The following PTPRR variants were observed in gnomAD, a reference collection of about 807,000 sequenced individuals.
PTPRR encodes the protein protein tyrosine phosphatase receptor type R.
Under a neutral mutation model 77.2 loss-of-function variants are expected in PTPRR, and 38 were observed. The observed-to-expected ratio is 0.49, with a 90% CI of 0.38 to 0.65. The LOEUF is 0.65. Among genes scored for constraint, PTPRR ranks in the 30% least tolerant of loss-of-function variants. PTPRR has a pLI of 0.00. For missense variants in PTPRR, 744 were observed against 799.2 expected (o/e 0.93, Z 0.83); for synonymous variants, 299 against 283.1 (o/e 1.06, Z -0.57).
chr12:70,795,563 A>G (rs2137014036), intron 2 of PTPRR, among the ~76,000 whole-genome samples: 1 of 152,330 alleles, frequency 6.6e-6, no homozygotes, highest in South Asian at 2.1e-4. Context: ...ATATAGCCAC[A>G]TCATTTATTA....
At chr12:70,918,374 A>G (rs1015135079) in intron 1 of PTPRR, among the ~76,000 whole-genome samples, 1 of 152,234 alleles carries the variant, frequency 6.6e-6, no homozygotes, top group Admixed American at 6.5e-5. Context: ...ATTGAAATAT[A>G]AAAATGTCCT....
At chr12:70,891,070 A>G (rs1035508309) in intron 2 of PTPRR, among the ~76,000 whole-genome samples, 2 of 152,152 alleles carry the variant, frequency 1.3e-5, no homozygotes, top group African/African-American at 2.4e-5. Flanking sequence ...AAGCCACAGC[A>G]TGGTCAGAGG....
At chr12:70,899,926 A>C (rs531242017) in intron 1 of PTPRR, among the ~76,000 whole-genome samples, 9 of 151,548 alleles carry the variant, frequency 5.9e-5, no homozygotes, top group South Asian at 2.1e-4. Flanking sequence ...TAAAAAAAAC[A>C]AACTGACCCA....
At chr12:70,727,856 G>C (rs1889499198) in intron 6 of PTPRR, among the ~76,000 whole-genome samples, 1 of 152,190 alleles carries the variant, frequency 6.6e-6, no homozygotes. Context: ...CGAGCAGACT[G>C]TCTGAGTAAA....
intron 8 of PTPRR, among the ~76,000 whole-genome samples, chr12:70,685,952 G>A (rs1265531661): frequency 6.6e-6 from 1 of 152,154 alleles, no homozygotes; most frequent in Non-Finnish European, 1.5e-5. Flanking sequence ...GAATCCACAC[G>A]AACACTAGGG....
At chr12:70,770,814 C>T (rs1407908028) in intron 2 of PTPRR, among the ~76,000 whole-genome samples, 6 of 152,066 alleles carry the variant, frequency 3.9e-5, no homozygotes, top group Non-Finnish European at 5.9e-5. Context: ...CCACGGAATA[C>T]TATGCAGCCA....
At chr12:70,693,390 G>T (rs558965882) in intron 8 of PTPRR, among the ~76,000 whole-genome samples, 1 of 151,962 alleles carries the variant, frequency 6.6e-6, no homozygotes, top group Admixed American at 6.6e-5. Context: ...TCAACCTCCC[G>T]GGCTCAAGTG....
intron 2 of PTPRR, among the ~76,000 whole-genome samples, chr12:70,880,982 T>A (rs1893140688): frequency 6.6e-6 from 1 of 152,144 alleles, no homozygotes; most frequent in South Asian, 2.1e-4. Context: ...TGAAAAAAAA[T>A]TTTGTAATTC....
At chr12:70,766,738 G>T (rs891642430) in intron 2 of PTPRR, among the ~76,000 whole-genome samples, 2 of 151,838 alleles carry the variant, frequency 1.3e-5, no homozygotes, top group African/African-American at 4.8e-5. Flanking sequence ...TGAAAAGAAG[G>T]AAAAAATGTT....
chr12:70,770,363 A>C, intron 2 of PTPRR, among the ~76,000 whole-genome samples: 1 of 152,186 alleles, frequency 6.6e-6, no homozygotes, highest in Non-Finnish European at 1.5e-5. Flanking sequence ...ATGAACAGAC[A>C]CTTCTCGAAA....
intron 8 of PTPRR, among the ~76,000 whole-genome samples, 194 bp downstream of exon 8, chr12:70,698,071 A>ATTATTATTTATACT (rs1888291524): frequency 1.3e-5 from 2 of 152,146 alleles, no homozygotes; most frequent in Non-Finnish European, 2.9e-5. Context: ...AATGTAAATT[A>ATTATTATTTATACT]TTATTATTAT....
chr12:70,682,270 C>T (rs974224886), intron 10 of PTPRR, among the ~76,000 whole-genome samples: 9 of 151,608 alleles, frequency 5.9e-5, no homozygotes, highest in African/African-American at 1.9e-4. Flanking sequence ...GTCTCGATCT[C>T]CTGACCTCGT....
chr12:70,833,207 C>T (rs1285096490), intron 2 of PTPRR, among the ~76,000 whole-genome samples: 1 of 151,950 alleles, frequency 6.6e-6, no homozygotes, highest in Non-Finnish European at 1.5e-5. Flanking sequence ...AGATAAGTAG[C>T]AGGAAAAGAA....
chr12:70,811,423 C>T (rs951876917), intron 2 of PTPRR, among the ~76,000 whole-genome samples: 1 of 152,250 alleles, frequency 6.6e-6, no homozygotes, highest in South Asian at 2.1e-4. Context: ...TTTAAGAATG[C>T]TTTGGCGGTT....
At chr12:70,727,030 T>C (rs1354181027) in intron 6 of PTPRR, among the ~76,000 whole-genome samples, 1 of 152,234 alleles carries the variant, frequency 6.6e-6, no homozygotes, top group East Asian at 1.9e-4. Flanking sequence ...AACATGTATG[T>C]TAAAATTCCT....
intron 1 of PTPRR, among the ~76,000 whole-genome samples, chr12:70,918,508 A>C (rs977623062): frequency 8.5e-5 from 13 of 152,204 alleles, no homozygotes; most frequent in Admixed American, 5.9e-4. Context: ...CCTTTGGCAG[A>C]ACTCCAGGTA....
Position 70,701,186 on chromosome 12 carries a change from T to C in PTPRR, c.1145A>G (p.Gln382Arg). 1.9e-6 allele frequency: 3 copies of C among 1,613,964 alleles called. No homozygotes were observed. Among genetic ancestry groups the C allele is most frequent in the Non-Finnish European group, 2.5e-6 (3 of 1,179,934 alleles). Residue 382 changes from glutamine (Q) to arginine (R), a missense_variant, in exon 7 of 14, where the codon CAG (glutamine) becomes CGG (arginine). Physicochemically the swap from Gln to Arg is conservative, Grantham distance 43. This residue lies in a region of PTPRR where 570 missense variants were observed against 573.2 expected (regional missense o/e 0.99). Transcript: ENST00000283228. ...TGAACTTGCCACGACGTCCCTCAGC[T>C]GAGACCTTGTGAGAATTCGGCTGGC... is the stretch of plus-strand genomic sequence containing the variant. ...QSASRILTRSQLRDVVASSHL... is the reference protein window; with the variant it reads ...QSASRILTRSRLRDVVASSHL...
At chr12:70,878,754 T>C (rs2137101128) in intron 2 of PTPRR, among the ~76,000 whole-genome samples, 1 of 152,344 alleles carries the variant, frequency 6.6e-6, no homozygotes, top group South Asian at 2.1e-4. Flanking sequence ...TTACTGGGTA[T>C]ATACCCAAAG....
In PTPRR at chr12:70,858,532, G is replaced by A. The variant is rs138871847; in HGVS notation, c.357+34147C>T. 2.8e-3 allele frequency among the ~76,000 whole-genome samples: 422 copies of A among 151,972 alleles called. 3 individuals carry two copies. The highest frequency in any genetic ancestry group is 9.5e-3 in the African/African-American group (393 of 41,352). On this transcript the variant is annotated intron_variant, in intron 2 of 13. Transcript: ENST00000283228. ...CACCCAAGATCATGCCTTTTGTGGAGAGAAAACTATCAGGTTTCCTATTAG... is the reference window on the plus strand; with the variant it reads ...CACCCAAGATCATGCCTTTTGTGGAAAGAAAACTATCAGGTTTCCTATTAG...
Sources: allele counts gnomAD v4.1 joint callset (sites outside exome capture counted in the v4.1 genomes callset), GRCh38; gene constraint gnomAD v4.1.1; regional missense constraint gnomAD v4.1.1; transcripts MANE v1.5; gene names NCBI Gene and HGNC (gene_info 2026-07-23, HGNC 2026-07-21).